Variants in C1GALT1 observed in about 807,000 individuals in gnomAD.
C1GALT1 encodes the protein core 1 synthase, glycoprotein-N-acetylgalactosamine 3-beta-galactosyltransferase 1, also known as glycoprotein-N-acetylgalactosamine 3-beta-galactosyltransferase 1.
C1GALT1 carries 11 observed loss-of-function variants against 31.0 expected under a neutral mutation model. That is an observed-to-expected ratio of 0.36 (90% CI 0.22 to 0.59). C1GALT1 has a LOEUF of 0.59. Among genes scored for constraint, C1GALT1 ranks in the 20% least tolerant of loss-of-function variants. The pLI, the probability that C1GALT1 is intolerant of heterozygous loss-of-function variation, is 0.79. For synonymous variants in C1GALT1, 175 were observed against 143.6 expected, an observed-to-expected ratio of 1.22 and a Z score of -1.56; for missense variants, 424 against 425.2, an observed-to-expected ratio of 1.00 and a Z score of 0.03.
intron 1 of C1GALT1, among the ~76,000 whole-genome samples, chr7:7,200,571 G>A (rs1377376922): frequency 6.6e-6 from 1 of 152,122 alleles, no homozygotes; most frequent in Non-Finnish European, 1.5e-5. Flanking sequence ...GGTTCTCCTG[G>A]ATTATATCCT....
chr7:7,179,590 A>T (rs150443415), upstream of C1GALT1, among the ~76,000 whole-genome samples: 84 of 152,314 alleles, frequency 5.5e-4, 1 homozygote, highest in African/African-American at 2.0e-3. Flanking sequence ...ATAAATGATG[A>T]CTTGGCCTAT....
At chr7:7,215,510 T>G (rs1048874213) in intron 1 of C1GALT1, among the ~76,000 whole-genome samples, 4 of 152,162 alleles carry the variant, frequency 2.6e-5, no homozygotes, top group Admixed American at 1.3e-4. Context: ...ATTTTAAGGT[T>G]TGGAAAATTA....
At chr7:7,206,944 G>A (rs1267926806) in intron 1 of C1GALT1, among the ~76,000 whole-genome samples, 1 of 152,078 alleles carries the variant, frequency 6.6e-6, no homozygotes, top group African/African-American at 2.4e-5. Flanking sequence ...GAGTCTCCTT[G>A]AAGTCATTCT....
chr7:7,167,976 A>C (rs1780416259), intron 2 of C1GALT1, among the ~76,000 whole-genome samples: 1 of 152,158 alleles, frequency 6.6e-6, no homozygotes, highest in African/African-American at 2.4e-5. Context: ...AAAGAAAGAC[A>C]CTGTTCTTTC....
chr7:7,197,206 A>T (rs983494651), intron 1 of C1GALT1, among the ~76,000 whole-genome samples: 2 of 152,158 alleles, frequency 1.3e-5, no homozygotes, highest in Non-Finnish European at 2.9e-5. Flanking sequence ...TGCATCTTGA[A>T]TTAATTTTTG....
At chr7:7,175,817 T>C (rs916802256) in intron 2 of C1GALT1, among the ~76,000 whole-genome samples, 1 of 152,148 alleles carries the variant, frequency 6.6e-6, no homozygotes, top group Non-Finnish European at 1.5e-5. Context: ...CTTTTTTTTT[T>C]CTGGTTTATA....
Position 7,238,384 on chromosome 7 carries a change from A to G in C1GALT1, c.350A>G (p.Lys117Arg), listed in dbSNP as rs1783463966. 1 of 1,613,994 alleles carries G rather than the reference A, an allele frequency of 6.2e-7. No individual in the cohort carries two copies. The highest frequency in any genetic ancestry group is 1.3e-5 in the African/African-American group (1 of 74,912). Reference sequence around the variant, plus strand: ...GCTACTTGGGCCCAGCGTTGTAACAAAGTGTTGTTTATGAGTTCAGAAGAA... The same window carrying G: ...GCTACTTGGGCCCAGCGTTGTAACAGAGTGTTGTTTATGAGTTCAGAAGAA... The part of the protein sequence containing the change: ...VKATWAQRCN[K>R]VLFMSSEENK... Residue 117 changes from lysine to arginine, a missense_variant, in exon 3 of 4, where the codon AAA becomes AGA. Physicochemically the swap from Lys to Arg is conservative, Grantham distance 26. Around this residue, in one of 3 missense-constraint regions of C1GALT1, gnomAD observed 189 missense variants for 158.2 expected, o/e 1.19. Coordinates refer to ENST00000436587, the MANE Select transcript of C1GALT1 (RefSeq NM_020156.5). This position sits in a 1 kb window ranked among gnomAD's most constrained non-coding sequence, Gnocchi z 5.2.
At chr7:7,160,061 A>G (rs935243360) in intron 2 of C1GALT1, among the ~76,000 whole-genome samples, 3 of 152,102 alleles carry the variant, frequency 2.0e-5, no homozygotes, top group African/African-American at 7.2e-5. Flanking sequence ...CTGTTCATAC[A>G]TAAGTAAAAC....
chr7:7,161,355 A>T lies in C1GALT1; in HGVS notation c.-18+3929A>T, dbSNP rs573124538. On this transcript the variant is annotated intron_variant, in intron 2 of 3. Transcript: ENST00000429911. The stretch of plus-strand genomic sequence containing the variant: ...TAAAGGTAATTGCCCCTTGGATGAA[A>T]ATCACTAACATTTTAGTATAAACAT... Among the ~76,000 whole-genome samples, 5 of 152,282 alleles carry T rather than the reference A, an allele frequency of 3.3e-5. No individual in the cohort carries two copies. The East Asian group carries it at 9.6e-4, about 29-fold the overall frequency.
At chr7:7,187,285 T>C (rs999659494) in intron 1 of C1GALT1, among the ~76,000 whole-genome samples, 17 of 151,924 alleles carry the variant, frequency 1.1e-4, no homozygotes, top group Non-Finnish European at 2.2e-4. Context: ...AGTCTCACTC[T>C]GTCGCCCAGG....
intron 1 of C1GALT1, among the ~76,000 whole-genome samples, chr7:7,187,137 A>G (rs189182253): frequency 1.1e-3 from 167 of 152,358 alleles, no homozygotes; most frequent in Non-Finnish European, 2.2e-3. Flanking sequence ...GTACAAGACT[A>G]AAAACGCACA....
intron 3 of C1GALT1, among the ~76,000 whole-genome samples, chr7:7,239,145 C>T (rs1416258035): frequency 2.0e-5 from 3 of 152,202 alleles, no homozygotes; most frequent in Non-Finnish European, 4.4e-5. Flanking sequence ...ATGCCAGGCA[C>T]TGAGAATGTA....
chr7:7,234,314 C>A lies in C1GALT1; in HGVS notation c.-6C>A, dbSNP rs376079423. 8.3e-5 allele frequency: 134 copies of A among 1,611,686 alleles called. 5 individuals are homozygous for A. In the South Asian group the frequency reaches 1.5e-3, roughly 17 times the overall value. ...TTTTGTTCTTACAGAAATACACTTT[C>A]GGGAAATGGCCTCTAAATCCTGGCT... On this transcript the variant is annotated 5_prime_UTR_variant, in exon 2 of 4. Transcript: ENST00000436587.
In C1GALT1 at chr7:7,182,781, C is replaced by T. The variant is rs1256234379; in HGVS notation, c.-57C>T. ...CAGTCCCAAGTCGTCCCCCTCTCCG[C>T]CCCCCAGGAGGGGCGAGAGGGAGCC... On this transcript the variant is annotated 5_prime_UTR_variant, in exon 1 of 4. Transcript: ENST00000436587. The T allele has an allele frequency of 2.0e-6, 2 of 984,930 alleles. No homozygotes were observed. Among genetic ancestry groups the T allele is most frequent in the Non-Finnish European group, 2.4e-6 (2 of 829,600 alleles). 61.0% of individuals were successfully genotyped at this position (984,930 alleles called of 1,614,324 possible). A position where few individuals can be genotyped will look rare whatever the true frequency, so the allele number is the denominator to read the frequency against.
intron 1 of C1GALT1, among the ~76,000 whole-genome samples, chr7:7,193,029 T>C (rs1781140344): frequency 6.6e-6 from 1 of 152,156 alleles, no homozygotes; most frequent in East Asian, 1.9e-4. Flanking sequence ...CTGATTTGTT[T>C]GGTTTTTTTG....
chr7:7,221,436 A>T (rs962918194), intron 1 of C1GALT1, among the ~76,000 whole-genome samples: 2 of 152,048 alleles, frequency 1.3e-5, no homozygotes, highest in Non-Finnish European at 2.9e-5. Context: ...TTAAGTTTTC[A>T]TCTCATTGCA....
upstream of C1GALT1, chr7:7,177,871 T>G (rs1056965631): frequency 3.2e-5 from 5 of 155,410 alleles, no homozygotes; most frequent in African/African-American, 1.2e-4. Context: ...GACTGCCTTT[T>G]GGGGTACATT....
intron 1 of C1GALT1, among the ~76,000 whole-genome samples, chr7:7,200,653 C>A (rs1229404199): frequency 6.6e-6 from 1 of 152,192 alleles, no homozygotes; most frequent in Non-Finnish European, 1.5e-5. Flanking sequence ...TAGATTTGGT[C>A]TTTTCACATG....
At chr7:7,234,161 A>C in intron 1 of C1GALT1, 142 bp from the exon 2 acceptor site, 1 of 643,964 alleles carries the variant, frequency 1.6e-6, no homozygotes, top group Non-Finnish European at 2.7e-6. Flanking sequence ...TTTAGCAGCA[A>C]ATAGAGGGGT....
Sources: gnomAD v4.1 joint callset for allele counts (sites outside exome capture counted in the v4.1 genomes callset) on GRCh38, gnomAD v4.1.1 for gene constraint, gnomAD v4.1.1 regional missense constraint, Gnocchi (gnomAD v3.1) non-coding constraint, MANE v1.5 for transcripts, NCBI Gene and HGNC (gene_info 2026-07-23, HGNC 2026-07-21) for gene names.